Variants in ZNF804A observed in about 807,000 individuals in gnomAD.
ZNF804A encodes the protein zinc finger protein 804A.
In ZNF804A, 2 loss-of-function variants were observed where a neutral mutation model predicts 16.5. The observed-to-expected ratio is 0.12, with a 90% confidence interval of 0.05 to 0.38. The LOEUF is 0.38. Ranked by LOEUF, ZNF804A falls within the 10% of genes least tolerant of loss-of-function variation. The probability of loss-of-function intolerance (pLI) is 0.99; values close to 1 mark genes in which losing one functional copy is unlikely to be tolerated. For synonymous variants in ZNF804A, 534 were observed against 489.6 expected (o/e 1.09, Z -1.20); for missense variants, 1,473 against 1,390.7 (o/e 1.06, Z -0.94).
At chr2:184,840,906 CATT>C (rs770569553) in intron 1 of ZNF804A, among the ~76,000 whole-genome samples, 5 of 152,126 alleles carry the variant, frequency 3.3e-5, no homozygotes, top group Non-Finnish European at 7.4e-5. Context: ...GAAACACCAC[CATT>C]TCTTGACCAT....
intron 1 of ZNF804A, among the ~76,000 whole-genome samples, chr2:184,835,697 G>T (rs1695335084): frequency 6.6e-6 from 1 of 151,410 alleles, no homozygotes; most frequent in Non-Finnish European, 1.5e-5. Flanking sequence ...ATGAAAAAGA[G>T]GTGACCTTAA....
chr2:184,889,513 C>A (rs1198765272), intron 2 of ZNF804A, among the ~76,000 whole-genome samples: 10 of 151,774 alleles, frequency 6.6e-5, no homozygotes, highest in Admixed American at 5.9e-4. Context: ...CCTGCATGTT[C>A]TGCACATGTA....
intron 2 of ZNF804A, among the ~76,000 whole-genome samples, chr2:184,906,285 C>G (rs1340973121): frequency 6.6e-6 from 1 of 151,942 alleles, no homozygotes; most frequent in Non-Finnish European, 1.5e-5. Context: ...AAATGCATTT[C>G]CATTTCTTTT....
At chr2:184,906,423 C>A (rs1289482695) in intron 2 of ZNF804A, among the ~76,000 whole-genome samples, 2 of 152,062 alleles carry the variant, frequency 1.3e-5, no homozygotes, top group Non-Finnish European at 1.5e-5. Flanking sequence ...CTCAGGTTCC[C>A]CGAGTGGCTG....
At chr2:184,671,114 C>T (rs549329322) in intron 1 of ZNF804A, among the ~76,000 whole-genome samples, 2 of 152,226 alleles carry the variant, frequency 1.3e-5, no homozygotes, top group East Asian at 3.9e-4. Flanking sequence ...GTTAGGGCCC[C>T]AAGCAGTAAT....
At chr2:184,700,530 C>T (rs945760183) in intron 1 of ZNF804A, among the ~76,000 whole-genome samples, 7 of 151,992 alleles carry the variant, frequency 4.6e-5, no homozygotes, top group Non-Finnish European at 1.0e-4. Context: ...ATATATTTGA[C>T]ATAGGCTTAA....
chr2:184,901,477 T>C (rs988550224), intron 2 of ZNF804A, among the ~76,000 whole-genome samples: 1 of 152,168 alleles, frequency 6.6e-6, no homozygotes, highest in South Asian at 2.1e-4. Context: ...ATGAGAGAAG[T>C]TGGTGGGAAG....
At chr2:184,773,130 T>C (rs936031519) in intron 1 of ZNF804A, among the ~76,000 whole-genome samples, 1 of 151,452 alleles carries the variant, frequency 6.6e-6, no homozygotes, top group African/African-American at 2.4e-5. Flanking sequence ...TGAGTTATAC[T>C]CTTATGATTT....
chr2:184,679,527 C>T (rs11892742), intron 1 of ZNF804A, among the ~76,000 whole-genome samples: 47,413 of 152,044 alleles, frequency 0.31, 9,738 homozygotes, highest in African/African-American at 0.58. Flanking sequence ...TCTGCACTCC[C>T]GGGGGCTCAG....
chr2:184,892,969 G>A (rs1235942802), intron 2 of ZNF804A, among the ~76,000 whole-genome samples: 1 of 152,068 alleles, frequency 6.6e-6, no homozygotes, highest in Non-Finnish European at 1.5e-5. Flanking sequence ...ATAAAGGAAG[G>A]CTAGAGCCTA....
intron 1 of ZNF804A, among the ~76,000 whole-genome samples, chr2:184,799,764 G>A (rs994472935): frequency 1.3e-5 from 2 of 151,938 alleles, no homozygotes; most frequent in South Asian, 2.1e-4. Flanking sequence ...GGCTGGTCTC[G>A]AACTCCTGAG....
intron 1 of ZNF804A, among the ~76,000 whole-genome samples, chr2:184,716,343 G>T (rs1439825274): frequency 1.3e-5 from 2 of 151,636 alleles, no homozygotes; most frequent in African/African-American, 2.4e-5. Context: ...CTAATATTTT[G>T]ATATAAGTAT....
At chr2:184,747,321 CAAAAAAA>C (rs397986917) in intron 1 of ZNF804A, among the ~76,000 whole-genome samples, 3 of 78,092 alleles carry the variant, frequency 3.8e-5, no homozygotes, top group South Asian at 5.4e-4. Flanking sequence ...AATCTTGCTG[CAAAAAAA>C]AAAAAAAAAA....
intron 1 of ZNF804A, among the ~76,000 whole-genome samples, chr2:184,761,610 C>T (rs1211475855): frequency 6.6e-6 from 1 of 152,036 alleles, no homozygotes; most frequent in Non-Finnish European, 1.5e-5. Context: ...GTGTGCCAGT[C>T]ACTGTGCAAT....
chr2:184,756,498 T>G (rs1454053813), intron 1 of ZNF804A, among the ~76,000 whole-genome samples: 2 of 152,068 alleles, frequency 1.3e-5, no homozygotes, highest in Non-Finnish European at 2.9e-5. Flanking sequence ...TCTTACATTT[T>G]ATGTATAAAT....
intron 1 of ZNF804A, among the ~76,000 whole-genome samples, chr2:184,800,886 T>C (rs1694714477): frequency 6.6e-6 from 1 of 152,090 alleles, no homozygotes; most frequent in Non-Finnish European, 1.5e-5. Context: ...AAAGAAAATA[T>C]ATCTTTTATA....
chr2:184,681,845 C>T (rs889320529), intron 1 of ZNF804A, among the ~76,000 whole-genome samples: 2 of 152,240 alleles, frequency 1.3e-5, no homozygotes, highest in Non-Finnish European at 2.9e-5. Context: ...CATCCCTGTG[C>T]TCTCAGGAAG....
rs185641565 is a variant in ZNF804A at position 184,728,542 on chromosome 2, A to T, written c.111+129472A>T. Among the ~76,000 whole-genome samples, 16 of 152,006 alleles carry T rather than the reference A, an allele frequency of 1.1e-4. No individual in the cohort carries two copies. The East Asian group carries it at 2.7e-3, about 26-fold the overall frequency. On this transcript the variant is annotated intron_variant, in intron 1 of 3. Transcript: ENST00000302277. ...AATGGGTAATAAAGAAGATGATAGG[A>T]CTTTGCACCTAGAGATTCCTTCTGG...
chr2:184,780,245 T>TCAAA (rs371615011), intron 1 of ZNF804A, among the ~76,000 whole-genome samples: 10 of 151,774 alleles, frequency 6.6e-5, no homozygotes, highest in Admixed American at 3.3e-4. Context: ...CATGTTGATG[T>TCAAA]CAAACAAACA....
Sources: gnomAD v4.1 joint callset for allele counts (sites outside exome capture counted in the v4.1 genomes callset) on GRCh38, gnomAD v4.1.1 for gene constraint, MANE v1.5 for transcripts, NCBI Gene and HGNC (gene_info 2026-07-23, HGNC 2026-07-21) for gene names.